Variants in MLIP observed in about 807,000 individuals in gnomAD.
MLIP encodes the protein muscular LMNA interacting protein, also known as muscular LMNA-interacting protein.
MLIP carries 79 observed loss-of-function variants against 84.8 expected under a neutral mutation model. That is an observed-to-expected ratio of 0.93 (90% CI 0.78 to 1.12). MLIP has a LOEUF of 1.12. MLIP is among the 50% of genes most tolerant of loss of function. The pLI, the probability that MLIP is intolerant of heterozygous loss-of-function variation, is 0.00. For synonymous variants in MLIP, 504 were observed against 463.0 expected (o/e 1.09, Z -1.14); for missense variants, 1,257 against 1,160.6 (o/e 1.08, Z -1.21).
At chr6:54,089,467 A>G (rs965144980) in intron 1 of MLIP, among the ~76,000 whole-genome samples, 1 of 152,120 alleles carries the variant, frequency 6.6e-6, no homozygotes, top group African/African-American at 2.4e-5. Context: ...CGCTCAATAT[A>G]CATTTCGATT....
chr6:54,073,002 C>T (rs374776596), intron 1 of MLIP, among the ~76,000 whole-genome samples: 1 of 152,162 alleles, frequency 6.6e-6, no homozygotes, highest in Non-Finnish European at 1.5e-5. Context: ...TTTGCCACCC[C>T]CTTCCCTCAA....
chr6:54,189,100 A>C (rs1409534274), intron 9 of MLIP, among the ~76,000 whole-genome samples: 1 of 152,204 alleles, frequency 6.6e-6, no homozygotes, highest in African/African-American at 2.4e-5. Context: ...GTAAGAAGGA[A>C]ACTAGGGAGC....
At chr6:54,261,757 A>G (rs1783409420) in intron 13 of MLIP, 1 of 983,856 alleles carries the variant, frequency 1.0e-6, no homozygotes, top group African/African-American at 1.7e-5. Context: ...AGCCACTCTC[A>G]TTTTCTGGTT....
chr6:54,202,544 C>T (rs1426296247), intron 11 of MLIP, among the ~76,000 whole-genome samples: 1 of 150,554 alleles, frequency 6.6e-6, no homozygotes, highest in Non-Finnish European at 1.5e-5. Context: ...TCTATAAAGA[C>T]ATCACAAAAT....
chr6:54,122,153 T>C (rs1184018081), intron 2 of MLIP, among the ~76,000 whole-genome samples: 1 of 151,918 alleles, frequency 6.6e-6, no homozygotes, highest in African/African-American at 2.4e-5. Flanking sequence ...CAAGGAAATA[T>C]TACAAAAGAA....
chr6:54,180,804 G>A (rs1034462240), intron 9 of MLIP, among the ~76,000 whole-genome samples: 1 of 152,136 alleles, frequency 6.6e-6, no homozygotes, highest in African/African-American at 2.4e-5. Context: ...CTCTGTCTGA[G>A]AGGTCACATA....
At chr6:54,236,000 A>G in intron 12 of MLIP, among the ~76,000 whole-genome samples, 1 of 152,166 alleles carries the variant, frequency 6.6e-6, no homozygotes. Context: ...GAACATTATT[A>G]CCTGCTTGCT....
In MLIP at chr6:54,160,583, A is replaced by C. The variant is rs1374890585; in HGVS notation, c.2423A>C (p.Gln808Pro). Residue 808 changes from glutamine to proline, a missense_variant, in exon 7 of 14, where the codon CAG becomes CCG. Gln to Pro is a moderately conservative substitution (Grantham distance 76). Transcript: ENST00000502396. ...ELCATIDKVL[Q>P]DSLSMHSSDS... Reference sequence around the variant, plus strand: ...TGTGCTACCATTGATAAGGTCTTACAGGATTCCTTGTCTATGGTAATGCTT... The same window carrying C: ...TGTGCTACCATTGATAAGGTCTTACCGGATTCCTTGTCTATGGTAATGCTT... 1.2e-6 allele frequency: 2 copies of C among 1,611,030 alleles called. No homozygotes were observed. Among genetic ancestry groups the C allele is most frequent in the African/African-American group, 2.7e-5 (2 of 74,806 alleles).
Position 54,189,368 on chromosome 6 carries a change from A to G in MLIP, c.2545-502A>G, listed in dbSNP as rs1472743840. ...ACAATATTAATCTGCTCTTTAATTT[A>G]AACAATTCTAAAAACCAAGTCATTT... On this transcript the variant is annotated intron_variant, in intron 9 of 13. Coordinates refer to ENST00000502396, the MANE Select transcript of MLIP (RefSeq NM_001281747.2). Among the ~76,000 whole-genome samples the G allele has an allele frequency of 2.0e-5, 3 of 152,218 alleles. No homozygotes were observed. In the East Asian group the frequency reaches 5.8e-4, roughly 29 times the overall value.
chr6:54,023,827 C>T (rs146700770), intron 1 of MLIP, among the ~76,000 whole-genome samples: 413 of 152,236 alleles, frequency 2.7e-3, no homozygotes, highest in African/African-American at 9.7e-3. Flanking sequence ...GCCTCAGCCT[C>T]CCAAAGTGAT....
At position 54,160,436 on chromosome 6, in the gene MLIP, A is replaced by G; in HGVS notation, c.2355+4A>G. The G allele has an allele frequency of 1.2e-6, 2 of 1,612,358 alleles. No homozygotes were observed. The highest frequency in any genetic ancestry group is 2.2e-5 in the South Asian group (2 of 91,020). On this transcript the variant is annotated splice_donor_region_variant and intron_variant, in intron 6 of 13. Transcript: ENST00000502396. ...CACATTAGAACCACCAGTGGAGGTA[A>G]TAACTTCAGATTACCCCTGCTTTTG... is the stretch of plus-strand genomic sequence containing the variant.
intron 4 of MLIP, among the ~76,000 whole-genome samples, chr6:54,145,272 C>G (rs1335264576): frequency 6.6e-6 from 1 of 152,068 alleles, no homozygotes; most frequent in African/African-American, 2.4e-5. Flanking sequence ...CACCTGGAAG[C>G]CTTGAAATGC....
intron 4 of MLIP, among the ~76,000 whole-genome samples, chr6:54,139,105 G>A (rs548985872): frequency 6.6e-6 from 1 of 152,156 alleles, no homozygotes; most frequent in African/African-American, 2.4e-5. Flanking sequence ...CCTGCTATAT[G>A]TGTACCACTA....
intron 1 of MLIP, among the ~76,000 whole-genome samples, chr6:54,020,772 A>G (rs189823817): frequency 5.6e-4 from 86 of 152,340 alleles, no homozygotes; most frequent in African/African-American, 1.9e-3. Context: ...ACTCTGTAGC[A>G]GAGGCCTAGG....
chr6:54,149,310 G>A (rs1054687018), intron 5 of MLIP, among the ~76,000 whole-genome samples, 183 bp downstream of exon 5: 15 of 152,124 alleles, frequency 9.9e-5, no homozygotes, highest in African/African-American at 3.1e-4. Flanking sequence ...GATATTATTG[G>A]TTTATTGCTA....
chr6:54,251,367 A>G (rs1782466064), intron 12 of MLIP, among the ~76,000 whole-genome samples: 2 of 146,820 alleles, frequency 1.4e-5, no homozygotes, highest in South Asian at 4.2e-4. Flanking sequence ...ACATTGTGAT[A>G]TGTTGTAAAT....
intron 1 of MLIP, among the ~76,000 whole-genome samples, chr6:54,117,871 G>A (rs1385429243): frequency 2.0e-5 from 3 of 151,990 alleles, no homozygotes; most frequent in Non-Finnish European, 2.9e-5. Flanking sequence ...GCATGAACCC[G>A]GGAGTGGAGC....
intron 11 of MLIP, among the ~76,000 whole-genome samples, chr6:54,221,420 A>C (rs913100444): frequency 6.6e-6 from 1 of 152,312 alleles, no homozygotes; most frequent in Admixed American, 6.5e-5. Context: ...TGTAGTGAAC[A>C]GTTGAAAAGT....
intron 8 of MLIP, among the ~76,000 whole-genome samples, chr6:54,168,920 A>G (rs1251958114): frequency 2.0e-5 from 3 of 150,272 alleles, no homozygotes; most frequent in African/African-American, 7.3e-5. Context: ...AAAAAAGTGA[A>G]AGTATTAAAA....
Sources: allele counts gnomAD v4.1 joint callset (sites outside exome capture counted in the v4.1 genomes callset), GRCh38; gene constraint gnomAD v4.1.1; transcripts MANE v1.5; gene names NCBI Gene and HGNC (gene_info 2026-07-23, HGNC 2026-07-21).